Variants in ARHGEF10L observed in about 807,000 individuals in gnomAD.
ARHGEF10L encodes Rho guanine nucleotide exchange factor 10 like, also known as rho guanine nucleotide exchange factor 10-like protein.
In ARHGEF10L, 69 loss-of-function variants were observed where a neutral mutation model predicts 141.2. The observed-to-expected ratio is 0.49, with a 90% confidence interval of 0.40 to 0.60. The LOEUF (loss-of-function observed/expected upper bound fraction) is 0.60, where lower values mean the gene tolerates loss of function less well. Among genes scored for constraint, ARHGEF10L ranks in the 20% least tolerant of loss-of-function variants. ARHGEF10L has a pLI of 0.00. For synonymous variants in ARHGEF10L, 711 were observed against 718.5 expected, an observed-to-expected ratio of 0.99 and a Z score of 0.17; for missense variants, 1,482 against 1,734.3, an observed-to-expected ratio of 0.85 and a Z score of 2.58.
In ARHGEF10L at chr1:17,622,706, C is replaced by T. The variant is rs139964017; in HGVS notation, c.1021-290C>T. Among the ~76,000 whole-genome samples, 514 of 152,290 alleles carry T rather than the reference C, an allele frequency of 3.4e-3. 2 individuals are homozygous for T. Among genetic ancestry groups the T allele is most frequent in the Non-Finnish European group, 5.1e-3 (346 of 68,016 alleles). ...GTGGGCTCAGTGACAGGCAGAGCTTCGCCCTCAGGCCGGCCTCCAAGGAGC... is the reference window on the plus strand; with the variant it reads ...GTGGGCTCAGTGACAGGCAGAGCTTTGCCCTCAGGCCGGCCTCCAAGGAGC... On this transcript the variant is annotated intron_variant, in intron 11 of 28. Coordinates refer to ENST00000361221, the MANE Select transcript of ARHGEF10L (RefSeq NM_018125.4).
chr1:17,624,549 G>A (rs758541085), intron 13 of ARHGEF10L, 46 bp downstream of exon 13: 1 of 1,508,684 alleles, frequency 6.6e-7, no homozygotes, highest in East Asian at 2.3e-5. Flanking sequence ...TGGGCAGGGA[G>A]ATTGCTCAGG....
chr1:17,632,030 G>T (rs2060722144), intron 15 of ARHGEF10L, among the ~76,000 whole-genome samples: 1 of 152,110 alleles, frequency 6.6e-6, no homozygotes, highest in East Asian at 1.9e-4. Context: ...TACAGAGAGG[G>T]GCTGGCAATG....
intron 1 of ARHGEF10L, among the ~76,000 whole-genome samples, chr1:17,562,152 C>G (rs775967877): frequency 2.0e-5 from 3 of 152,202 alleles, no homozygotes; most frequent in Non-Finnish European, 4.4e-5. Context: ...TAGTGGCTCA[C>G]ACCTGTAATC....
intron 25 of ARHGEF10L, among the ~76,000 whole-genome samples, chr1:17,663,300 C>T (rs900790137): frequency 6.6e-6 from 1 of 152,054 alleles, no homozygotes; most frequent in East Asian, 1.9e-4. Context: ...GCCTGTAATC[C>T]CAGAACTTTG....
chr1:17,580,752 T>A, intron 2 of ARHGEF10L, 120 bp downstream of exon 2: 1 of 1,204,338 alleles, frequency 8.3e-7, no homozygotes, highest in Non-Finnish European at 1.2e-6. Context: ...CTCTGCTGGC[T>A]GCTGGCCCTG....
At position 17,664,502 on chromosome 1, in the gene ARHGEF10L, G is replaced by A; in HGVS notation, c.2916G>A (p.Gly972=). 3 of 1,608,098 alleles carry A rather than the reference G, an allele frequency of 1.9e-6. No individual in the cohort carries two copies. The highest frequency in any genetic ancestry group is 2.5e-6 in the Non-Finnish European group (3 of 1,179,770). ...CCGTGTGCCTGACTGTGGGGCCCGG[G>A]CCTGTCCGCACCCTGTTGAGCCTGG... ...SPPVCLTVGP[G]PVRTLLSLED... Residue 972 remains glycine, a synonymous_variant, in exon 26 of 29, where the codon GGG becomes GGA. Transcript: ENST00000361221.
intron 9 of ARHGEF10L, among the ~76,000 whole-genome samples, chr1:17,617,514 G>T (rs1294045806): frequency 6.6e-6 from 1 of 152,198 alleles, no homozygotes; most frequent in African/African-American, 2.4e-5. Context: ...ATCTTTAGAG[G>T]TGACAGACAA....
chr1:17,649,194 A>G lies in ARHGEF10L; in HGVS notation c.2394+519A>G, dbSNP rs145236711. The stretch of plus-strand genomic sequence containing the variant: ...ATGTTTCTCTATCCATTTCACAGAT[A>G]AGGAAACTAAGGCTAAGACAGGTGC... On this transcript the variant is annotated intron_variant, in intron 22 of 28. Coordinates refer to ENST00000361221, the MANE Select transcript of ARHGEF10L (RefSeq NM_018125.4). 4.0e-3 allele frequency among the ~76,000 whole-genome samples: 605 copies of G among 152,364 alleles called. 5 individuals carry two copies. Among genetic ancestry groups the G allele is most frequent in the Non-Finnish European group, 6.5e-3 (442 of 68,032 alleles).
chr1:17,603,496 C>A lies in ARHGEF10L; in HGVS notation c.350-12C>A. The A allele has an allele frequency of 6.2e-7, 1 of 1,611,708 alleles. No individual in the cohort carries two copies. The highest frequency in any genetic ancestry group is 8.5e-7 in the Non-Finnish European group (1 of 1,178,746). On this transcript the variant is annotated splice_polypyrimidine_tract_variant and intron_variant, in intron 5 of 28. Transcript: ENST00000361221. This position sits in a 1 kb window ranked among gnomAD's most constrained non-coding sequence, Gnocchi z 4.8. ...CCCACGGTGGTGCTCTCTCTCCCCA[C>A]TTCCCTCCCAGTTGACCGGTTCACT...
At chr1:17,565,516 C>A (rs527303417) in intron 1 of ARHGEF10L, among the ~76,000 whole-genome samples, 2 of 152,332 alleles carry the variant, frequency 1.3e-5, no homozygotes, top group African/African-American at 4.8e-5. Flanking sequence ...AATCTAGGCT[C>A]AAGTCTGCTC....
chr1:17,639,688 C>A lies in ARHGEF10L; in HGVS notation c.2172-514C>A, dbSNP rs1471654647. On this transcript the variant is annotated intron_variant, in intron 20 of 28. Coordinates refer to ENST00000361221, the MANE Select transcript of ARHGEF10L (RefSeq NM_018125.4). This position sits in a 1 kb window ranked among gnomAD's most constrained non-coding sequence, Gnocchi z 4.3. The stretch of plus-strand genomic sequence containing the variant: ...GAGGACAGCGTGGTGACAACAGCAA[C>A]CTCTGGTTGCCCCAAGCTGGTGCTT... 2 of 480,896 alleles carry A rather than the reference C, an allele frequency of 4.2e-6. No individual in the cohort carries two copies. The highest frequency in any genetic ancestry group is 7.5e-6 in the Non-Finnish European group (2 of 266,368). The allele number at this position is 480,896 out of a possible 1,614,324, so 29.8% of individuals were successfully genotyped here.
At chr1:17,569,546 G>A (rs1384570003) in intron 1 of ARHGEF10L, among the ~76,000 whole-genome samples, 1 of 152,142 alleles carries the variant, frequency 6.6e-6, no homozygotes, top group Non-Finnish European at 1.5e-5. Flanking sequence ...CTCCCTCGTG[G>A]GACAGAGTGA....
intron 22 of ARHGEF10L, among the ~76,000 whole-genome samples, chr1:17,650,805 G>A (rs943613983): frequency 1.3e-5 from 2 of 151,758 alleles, no homozygotes; most frequent in Non-Finnish European, 2.9e-5. Context: ...CTGCTGAGAC[G>A]TGGCAAGACT....
At chr1:17,588,505 TGGC>T in intron 4 of ARHGEF10L, 26 bp downstream of exon 4, 1 of 1,613,718 alleles carries the variant, frequency 6.2e-7, no homozygotes, top group Non-Finnish European at 8.5e-7. Context: ...TCCTTTGCTT[TGGC>T]GGTTGGAAAC....
intron 27 of ARHGEF10L, among the ~76,000 whole-genome samples, chr1:17,692,921 G>T (rs796447812): frequency 5.3e-5 from 8 of 152,228 alleles, no homozygotes; most frequent in African/African-American, 1.9e-4. Flanking sequence ...CTGGGCCTTG[G>T]CTCAGGTCTT....
the ARHGEF10L span, among the ~76,000 whole-genome samples, chr1:17,515,109 C>T: frequency 2.6e-5 from 4 of 152,108 alleles, no homozygotes; most frequent in African/African-American, 9.7e-5. Flanking sequence ...GCGGGAATCA[C>T]ATGAAATTGG....
At chr1:17,678,826 T>C (rs1476485706) in intron 26 of ARHGEF10L, among the ~76,000 whole-genome samples, 1 of 152,218 alleles carries the variant, frequency 6.6e-6, no homozygotes, top group Non-Finnish European at 1.5e-5. Flanking sequence ...GGTTTTTGGG[T>C]TGACACCAAC....
chr1:17,634,594 GGCTCTGGGGCTCTGGGGCTCTGGT>G, intron 17 of ARHGEF10L, 32 bp downstream of exon 17: 1 of 1,606,044 alleles, frequency 6.2e-7, no homozygotes, highest in Non-Finnish European at 8.5e-7. Context: ...GGGGCTCTGG[GGCTCTGGGGCTCTGGGGCTCTGGT>G]GCCATGTGAT....
At position 17,656,421 on chromosome 1, in the gene ARHGEF10L, C is replaced by T; in HGVS notation, c.2706-133C>T. On this transcript the variant is annotated intron_variant, in intron 24 of 28. Coordinates refer to ENST00000361221, the MANE Select transcript of ARHGEF10L (RefSeq NM_018125.4). The surrounding 1 kb of genome is among the most constrained non-coding windows in gnomAD (Gnocchi z 4.9). ...AGCTCCCGCATGGTGGAGCTATGGC[C>T]TGGCCACACAGCCGAAAGGCGTGGC... 1 of 1,142,290 alleles carries T rather than the reference C, an allele frequency of 8.8e-7. No homozygotes were observed. The highest frequency in any genetic ancestry group is 1.3e-6 in the Non-Finnish European group (1 of 794,576). 70.8% of individuals were successfully genotyped at this position (1,142,290 alleles called of 1,614,324 possible). A position where few individuals can be genotyped will look rare whatever the true frequency, so the allele number is the denominator to read the frequency against.
Sources: gnomAD v4.1 joint callset for allele counts (sites outside exome capture counted in the v4.1 genomes callset) on GRCh38, gnomAD v4.1.1 for gene constraint, Gnocchi (gnomAD v3.1) non-coding constraint, MANE v1.5 for transcripts, NCBI Gene and HGNC (gene_info 2026-07-23, HGNC 2026-07-21) for gene names.